LYST: variants seen among roughly 807,000 people sequenced by gnomAD.
LYST encodes lysosomal-trafficking regulator.
A neutral mutation model predicts 413.6 loss-of-function variants in LYST; 192 were observed. The observed-to-expected ratio is 0.46, with a 90% confidence interval of 0.41 to 0.52. The LOEUF is 0.52. Among genes scored for constraint, LYST ranks in the 20% least tolerant of loss-of-function variants. The probability of loss-of-function intolerance (pLI) is 0.00; values close to 1 mark genes in which losing one functional copy is unlikely to be tolerated. For missense variants in LYST, 3,815 were observed against 4,499.9 expected (o/e 0.85, Z 4.35); for synonymous variants, 1,525 against 1,567.3 (o/e 0.97, Z 0.64).
At chr1:235,741,902 T>C (rs145282807) in intron 30 of LYST, among the ~76,000 whole-genome samples, 79 of 152,284 alleles carry the variant, frequency 5.2e-4, no homozygotes, top group African/African-American at 1.8e-3. Flanking sequence ...ATGTGGTATA[T>C]ACATACAATG....
chr1:235,697,188 G>A lies in LYST; in HGVS notation c.10459C>T (p.Gln3487Ter). ...GAGCCAAATCTTTCTCCGTGGGGCTGGCTGAAGCAGACCACAGGTACTGGA... is the reference window on the plus strand; with the variant it reads ...GAGCCAAATCTTTCTCCGTGGGGCTAGCTGAAGCAGACCACAGGTACTGGA... ...SAPVPVVCFS[Q>*]PHGERFGSLQ... is the part of the protein sequence containing the mutation. The change falls in exon 46 of 53, where the codon CAG becomes TAG. Residue 3487 changes from glutamine (Q) to a stop codon, truncating the protein, a stop_gained. Coordinates refer to ENST00000389793, the MANE Select transcript of LYST (RefSeq NM_000081.4). LOFTEE classifies it high-confidence loss of function. The A allele has an allele frequency of 6.2e-7, 1 of 1,614,154 alleles. No homozygotes were observed. Among genetic ancestry groups the A allele is most frequent in the Non-Finnish European group, 8.5e-7 (1 of 1,179,996 alleles).
chr1:235,757,595 T>G, intron 23 of LYST, 137 bp from the exon 24 acceptor site: 1 of 703,400 alleles, frequency 1.4e-6, no homozygotes, highest in Non-Finnish European at 2.5e-6. Flanking sequence ...GTTTCCTAAT[T>G]TAACTGTGAT....
At chr1:235,861,165 G>A (rs182308603) in intron 1 of LYST, among the ~76,000 whole-genome samples, 4 of 152,158 alleles carry the variant, frequency 2.6e-5, no homozygotes, top group African/African-American at 7.2e-5. Flanking sequence ...CTTCCATTCA[G>A]TTAAAATAGT....
chr1:235,828,621 T>A (rs1327346224), intron 3 of LYST: 6 of 278,326 alleles, frequency 2.2e-5, no homozygotes, highest in Non-Finnish European at 2.7e-5. Context: ...TAGAATTCCA[T>A]GCAGAAGTAC....
At chr1:235,826,179 C>T (rs1675311945) in intron 3 of LYST, among the ~76,000 whole-genome samples, 1 of 152,202 alleles carries the variant, frequency 6.6e-6, no homozygotes, top group Admixed American at 6.5e-5. Flanking sequence ...TCATACACTG[C>T]TGGTAAGAAT....
rs1668136040 is a variant in LYST at position 235,766,270 on chromosome 1, T to A, written c.5930A>T (p.Lys1977Ile). Residue 1977 changes from lysine to isoleucine, a missense_variant, in exon 21 of 53, where the codon AAA (lysine) becomes ATA (isoleucine). By Grantham distance (102) the Lys-to-Ile change is moderately radical. This residue lies in a region of LYST where 530 missense variants were observed against 696.5 expected (regional missense o/e 0.76). Transcript: ENST00000389793. Reference protein sequence around the residue: ...LLTCQVLQEYKEGQLTPMPRE... With the variant: ...LLTCQVLQEYIEGQLTPMPRE... ...GGGCATGGGTGTGAGTTGCCCCTCT[T>A]TGTATTCCTGAAAAAATAAAAAAAA... is the stretch of plus-strand genomic sequence containing the variant. The A allele has an allele frequency of 6.3e-7, 1 of 1,599,022 alleles. No homozygotes were observed. The highest frequency in any genetic ancestry group is 1.8e-5 in the Admixed American group (1 of 56,186).
chr1:235,762,123 T>C (rs1222898648), intron 22 of LYST, among the ~76,000 whole-genome samples: 1 of 151,612 alleles, frequency 6.6e-6, no homozygotes, highest in African/African-American at 2.4e-5. Context: ...TAAAGTGTAA[T>C]TATAAAAAAA....
Position 235,759,116 on chromosome 1 carries a change from A to C in LYST, c.6737T>G (p.Leu2246Arg), listed in dbSNP as rs200231136. ...FQRSHSTIAS[L>R]GLAFPSQNGS... is the part of the protein sequence containing the mutation. Reference sequence around the variant, plus strand: ...GTTCTGTGAAGGAAAAGCTAGCCCAAGGCTTGCAATAGTGCTGTGGCTTCG... The same window carrying C: ...GTTCTGTGAAGGAAAAGCTAGCCCACGGCTTGCAATAGTGCTGTGGCTTCG... Residue 2246 changes from leucine to arginine, a missense_variant, in exon 23 of 53, where the codon CTT becomes CGT. Around this residue, in one of 4 missense-constraint regions of LYST, gnomAD observed 771 missense variants for 837.1 expected, o/e 0.92. Transcript: ENST00000389793. 59 of 1,614,192 alleles carry C rather than the reference A, an allele frequency of 3.7e-5. No homozygotes were observed. Among genetic ancestry groups the C allele is most frequent in the Non-Finnish European group, 4.7e-5 (55 of 1,180,014 alleles).
chr1:235,807,711 T>C (rs1196678340), intron 5 of LYST, among the ~76,000 whole-genome samples: 2 of 152,194 alleles, frequency 1.3e-5, no homozygotes, highest in Non-Finnish European at 2.9e-5. Flanking sequence ...TATTTTTAAA[T>C]GCACCAGATT....
At chr1:235,844,098 ATGATTTGAAGCAGCCTTCT>A (rs1677516069) in intron 1 of LYST, among the ~76,000 whole-genome samples, 1 of 152,256 alleles carries the variant, frequency 6.6e-6, no homozygotes, top group Admixed American at 6.5e-5. Flanking sequence ...AAAATCTGCC[ATGATTTGAAGCAGCCTTCT>A]TGAAAATAAA....
In LYST at chr1:235,697,156, C is replaced by T; in HGVS notation, c.10491G>A (p.Gln3497=). Residue 3497 remains glutamine (Q), a synonymous_variant, in exon 46 of 53, where the codon CAG becomes CAA. Transcript: ENST00000389793. ...CACAGATTGCTCTGGTGGGCAGAGC[C>T]TGGAGAGAGCCAAATCTTTCTCCGT... ...QPHGERFGSL[Q]ALPTRAICGL... 1 of 1,614,158 alleles carries T rather than the reference C, an allele frequency of 6.2e-7. No individual in the cohort carries two copies. Among genetic ancestry groups the T allele is most frequent in the Non-Finnish European group, 8.5e-7 (1 of 1,180,012 alleles).
Position 235,773,857 on chromosome 1 carries a change from T to C in LYST, c.5769A>G (p.Ile1923Met), listed in dbSNP as rs1435605262. Reference protein sequence around the residue: ...LLEELLLDWKIWSKAEQGVWE... With the variant: ...LLEELLLDWKMWSKAEQGVWE... Reference sequence around the variant, plus strand: ...TATTACATGCCTCTGCTTTACTCCATATCTTCCAGTCAAGCAATAGTTCCT... The same window carrying C: ...TATTACATGCCTCTGCTTTACTCCACATCTTCCAGTCAAGCAATAGTTCCT... The change falls in exon 19 of 53, where the codon ATA becomes ATG. Residue 1923 changes from isoleucine (I) to methionine (M), a missense_variant. By Grantham distance (10) the Ile-to-Met change is conservative. Coordinates refer to ENST00000389793, the MANE Select transcript of LYST (RefSeq NM_000081.4). The C allele has an allele frequency of 1.2e-6, 2 of 1,612,408 alleles. No homozygotes were observed. The highest frequency in any genetic ancestry group is 1.7e-5 in the Admixed American group (1 of 59,990).
chr1:235,803,790 G>A (rs61647850), intron 7 of LYST, among the ~76,000 whole-genome samples: 40,590 of 151,932 alleles, frequency 0.27, 5,708 homozygotes, highest in African/African-American at 0.32. Context: ...AGCTATTTCA[G>A]CATGTTTTTA....
At chr1:235,881,714 C>T (rs992426824) in intron 1 of LYST, among the ~76,000 whole-genome samples, 4 of 152,154 alleles carry the variant, frequency 2.6e-5, no homozygotes, top group Non-Finnish European at 5.9e-5. Flanking sequence ...AATTCTGACA[C>T]ATGCTACAAC....
intron 1 of LYST, among the ~76,000 whole-genome samples, chr1:235,850,438 T>G (rs1678391452): frequency 6.6e-6 from 1 of 152,108 alleles, no homozygotes; most frequent in Non-Finnish European, 1.5e-5. Flanking sequence ...AAGATAACAT[T>G]GGAAAAACCT....
Position 235,782,018 on chromosome 1 carries a change from T to C in LYST, c.4932A>G (p.Thr1644=), listed in dbSNP as rs148284819. The change falls in exon 15 of 53, where the codon ACA becomes ACG. Residue 1644 remains threonine, a synonymous_variant. Transcript: ENST00000389793. The stretch of plus-strand genomic sequence containing the variant: ...ATAAACAATGGCCAATCATGCAAAA[T>C]GTTTTATTGCTATCAGATGACAAAC... ...KTSLSSDSNK[T]FCMIGHCLSS... The C allele has an allele frequency of 5.6e-6, 9 of 1,612,884 alleles. No homozygotes were observed. Among genetic ancestry groups the C allele is most frequent in the Admixed American group, 3.3e-5 (2 of 60,002 alleles).
chr1:235,812,779 C>G (rs1039423879), intron 4 of LYST, among the ~76,000 whole-genome samples, 192 bp downstream of exon 4: 1 of 152,132 alleles, frequency 6.6e-6, no homozygotes, highest in Non-Finnish European at 1.5e-5. Context: ...GTACTTCCCC[C>G]AAGAAGCACC....
intron 50 of LYST, among the ~76,000 whole-genome samples, chr1:235,675,005 G>T (rs6704394): frequency 0.26 from 39,701 of 152,048 alleles, 6,541 homozygotes; most frequent in Non-Finnish European, 0.37. Flanking sequence ...AACCTCTCTC[G>T]ATTCTCCCCC....
chr1:235,666,759 G>A (rs1658522351), intron 50 of LYST, among the ~76,000 whole-genome samples: 1 of 151,900 alleles, frequency 6.6e-6, no homozygotes, highest in Non-Finnish European at 1.5e-5. Context: ...TCCATGAGTA[G>A]GCTACATTTC....
Sources: gnomAD v4.1 joint callset for allele counts (sites outside exome capture counted in the v4.1 genomes callset) on GRCh38, gnomAD v4.1.1 for gene constraint, gnomAD v4.1.1 regional missense constraint, MANE v1.5 for transcripts, NCBI Gene and HGNC (gene_info 2026-07-23, HGNC 2026-07-21) for gene names.